RALA: variants seen among roughly 807,000 people sequenced by gnomAD.
RALA encodes the protein RAS like proto-oncogene A.
A neutral mutation model predicts 24.0 loss-of-function variants in RALA; 5 were observed. The observed-to-expected ratio is 0.21, with a 90% confidence interval of 0.11 to 0.44. RALA has a LOEUF of 0.44. RALA is among the 20% of genes least tolerant of loss of function. The pLI is 0.99. For missense variants in RALA, 95 were observed against 241.2 expected (o/e 0.39, Z 4.01); for synonymous variants, 77 against 83.8 (o/e 0.92, Z 0.44).
intron 1 of RALA, among the ~76,000 whole-genome samples, chr7:39,674,325 A>C (rs988366917): frequency 6.6e-6 from 1 of 152,150 alleles, no homozygotes; most frequent in African/African-American, 2.4e-5. Flanking sequence ...AATTTTATCA[A>C]ATATTATTCT....
chr7:39,688,767 G>A (rs1193532658), intron 2 of RALA, among the ~76,000 whole-genome samples: 1 of 152,012 alleles, frequency 6.6e-6, no homozygotes, highest in Non-Finnish European at 1.5e-5. Flanking sequence ...TAGCGACGGG[G>A]TGTATCCGTC....
At chr7:39,660,083 C>A (rs1176769898) in intron 1 of RALA, among the ~76,000 whole-genome samples, 1 of 151,942 alleles carries the variant, frequency 6.6e-6, no homozygotes, top group South Asian at 2.1e-4. Context: ...CAGTGGCTCA[C>A]GACTGTAATC....
chr7:39,686,284 T>C (rs1792703770), intron 1 of RALA, among the ~76,000 whole-genome samples: 1 of 152,206 alleles, frequency 6.6e-6, no homozygotes, highest in African/African-American at 2.4e-5. Flanking sequence ...AGAGATCCTT[T>C]AGCCTGCTTT....
At chr7:39,666,405 A>G (rs939511736) in intron 1 of RALA, among the ~76,000 whole-genome samples, 2 of 152,232 alleles carry the variant, frequency 1.3e-5, no homozygotes, top group Admixed American at 6.5e-5. Context: ...GGCGTATTCA[A>G]CAGCATTCAA....
At chr7:39,678,549 A>T (rs1226130648) in intron 1 of RALA, among the ~76,000 whole-genome samples, 4 of 152,184 alleles carry the variant, frequency 2.6e-5, no homozygotes, top group African/African-American at 4.8e-5. Flanking sequence ...CATCACCCCA[A>T]ATAGGTTCTA....
chr7:39,681,786 A>G (rs57164715), intron 1 of RALA, among the ~76,000 whole-genome samples: 39,115 of 151,734 alleles, frequency 0.26, 6,443 homozygotes, highest in African/African-American at 0.44. Flanking sequence ...TTCCATCTCT[A>G]CCCTCATCCC....
intron 3 of RALA, among the ~76,000 whole-genome samples, chr7:39,691,101 A>G (rs1792810103): frequency 6.6e-6 from 1 of 152,122 alleles, no homozygotes. Context: ...TGAATTTTTA[A>G]TAGAAATAAT....
At chr7:39,626,115 G>A (rs888509663) in intron 1 of RALA, among the ~76,000 whole-genome samples, 1 of 152,184 alleles carries the variant, frequency 6.6e-6, no homozygotes, top group Non-Finnish European at 1.5e-5. Context: ...ACTAAGGAGA[G>A]GGAAGCCAGC....
intron 1 of RALA, among the ~76,000 whole-genome samples, chr7:39,634,123 C>G (rs937717891): frequency 6.6e-6 from 1 of 152,070 alleles, no homozygotes; most frequent in Non-Finnish European, 1.5e-5. Flanking sequence ...CCTAGAACTC[C>G]TTACAACTCT....
chr7:39,705,924 G>A (rs550300267), intron 4 of RALA, among the ~76,000 whole-genome samples, 199 bp from the exon 5 acceptor site: 1 of 152,098 alleles, frequency 6.6e-6, no homozygotes, highest in African/African-American at 2.4e-5. Flanking sequence ...GTGTAATTCA[G>A]AAAACTTCCT....
rs566357183 is a variant in RALA, at chr7:39,648,023, T to C, written c.-38+24198T>C. On this transcript the variant is annotated intron_variant, in intron 1 of 4. Coordinates refer to ENST00000005257, the MANE Select transcript of RALA (RefSeq NM_005402.4). ...GTTTCAACAACTGCATCAGCTGGTA[T>C]GCCACTTCTATATGGTATAACATTT... Among the ~76,000 whole-genome samples the C allele has an allele frequency of 1.7e-3, 261 of 152,360 alleles. 1 individual carries two copies. The highest frequency in any genetic ancestry group is 3.2e-3 in the Non-Finnish European group (215 of 68,036).
intron 1 of RALA, among the ~76,000 whole-genome samples, chr7:39,661,547 T>C (rs1792191103): frequency 6.6e-6 from 1 of 152,200 alleles, no homozygotes. Flanking sequence ...AAGTCCAAAA[T>C]CCAGCAGGGT....
At chr7:39,690,911 C>T (rs551362466) in intron 3 of RALA, among the ~76,000 whole-genome samples, 5 of 152,280 alleles carry the variant, frequency 3.3e-5, no homozygotes, top group Admixed American at 6.5e-5. Flanking sequence ...ACAGTTCATA[C>T]TTAGAGCACA....
At chr7:39,688,970 AGAGT>A (rs1792761240) in intron 2 of RALA, among the ~76,000 whole-genome samples, 1 of 152,120 alleles carries the variant, frequency 6.6e-6, no homozygotes, top group Non-Finnish European at 1.5e-5. Flanking sequence ...GGAGAGAGAG[AGAGT>A]GTGAGCGAGC....
intron 1 of RALA, among the ~76,000 whole-genome samples, chr7:39,651,980 G>A (rs1792025208): frequency 1.3e-5 from 2 of 152,160 alleles, no homozygotes; most frequent in South Asian, 2.1e-4. Context: ...CCTGCTGCTA[G>A]AGCAAAGTAC....
In RALA at chr7:39,623,988, G is replaced by A. The variant is rs750892886; in HGVS notation, c.-38+163G>A. 2 of 152,238 alleles carry A rather than the reference G, an allele frequency of 1.3e-5. No individual in the cohort carries two copies. Among genetic ancestry groups the A allele is most frequent in the African/African-American group, 2.4e-5 (1 of 41,442 alleles). The allele number at this position is 152,238 out of a possible 1,614,324, so 9.4% of individuals were successfully genotyped here. ...GGGGACGAGCTGCGAGATGAGCCCG[G>A]CTGGAATCCGGGGCACCGCGTTCGC... On this transcript the variant is annotated intron_variant, in intron 1 of 4. Coordinates refer to ENST00000005257, the MANE Select transcript of RALA (RefSeq NM_005402.4). This position sits in a 1 kb window ranked among gnomAD's most constrained non-coding sequence, Gnocchi z 4.9.
intron 1 of RALA, among the ~76,000 whole-genome samples, chr7:39,660,640 T>G (rs894962444): frequency 1.3e-5 from 2 of 152,188 alleles, no homozygotes; most frequent in Non-Finnish European, 2.9e-5. Flanking sequence ...TGGAATACAG[T>G]TGACCCTTGA....
chr7:39,625,358 G>A (rs766389453), intron 1 of RALA, among the ~76,000 whole-genome samples: 5 of 152,194 alleles, frequency 3.3e-5, no homozygotes, highest in Non-Finnish European at 7.3e-5. Flanking sequence ...CTTACTACTT[G>A]AGCATATTCA....
Position 39,707,649 on chromosome 7 carries a change from A to G in RALA, c.*1404A>G, listed in dbSNP as rs1179183991. 2.0e-5 allele frequency: 3 copies of G among 152,512 alleles called. No individual in the cohort carries two copies. The highest frequency in any genetic ancestry group is 7.2e-5 in the African/African-American group (3 of 41,404). 9.4% of individuals were successfully genotyped at this position (152,512 alleles called of 1,614,324 possible). On this transcript the variant is annotated 3_prime_UTR_variant, in exon 5 of 5. Coordinates refer to ENST00000005257, the MANE Select transcript of RALA (RefSeq NM_005402.4). ...GTGGGGCTAGGACAGTTGATTCAACAAAGTATTTTTTTCTTTTTTCTCAGT... is the reference window on the plus strand; with the variant it reads ...GTGGGGCTAGGACAGTTGATTCAACGAAGTATTTTTTTCTTTTTTCTCAGT...
Sources: gnomAD v4.1 joint callset for allele counts (sites outside exome capture counted in the v4.1 genomes callset) on GRCh38, gnomAD v4.1.1 for gene constraint, Gnocchi (gnomAD v3.1) non-coding constraint, MANE v1.5 for transcripts, NCBI Gene and HGNC (gene_info 2026-07-23, HGNC 2026-07-21) for gene names.